CPLANE1: variants seen among roughly 807,000 people sequenced by gnomAD.
The protein encoded by CPLANE1 is ciliogenesis and planar polarity effector complex subunit 1, also known as ciliogenesis and planar polarity effector 1.
In CPLANE1, 263 loss-of-function variants were observed where a neutral mutation model predicts 362.5. The observed-to-expected ratio is 0.73, with a 90% CI of 0.66 to 0.80. The LOEUF (loss-of-function observed/expected upper bound fraction) is 0.80, where lower values mean the gene tolerates loss of function less well. Ranked by LOEUF, CPLANE1 falls within the 30% of genes least tolerant of loss-of-function variation. The pLI is 0.00. For missense variants in CPLANE1, 3,461 were observed against 3,793.4 expected, an observed-to-expected ratio of 0.91 and a Z score of 2.30; for synonymous variants, 1,212 against 1,302.6, an observed-to-expected ratio of 0.93 and a Z score of 1.50.
chr5:37,106,617 A>C lies in CPLANE1; in HGVS notation c.*985T>G. 2 of 382,700 alleles carry C rather than the reference A, an allele frequency of 5.2e-6. No individual in the cohort carries two copies. Among genetic ancestry groups the C allele is most frequent in the Non-Finnish European group, 7.2e-6 (2 of 279,060 alleles). The allele number at this position is 382,700 out of a possible 1,614,324, so 23.7% of individuals were successfully genotyped here. A position where few individuals can be genotyped will look rare whatever the true frequency, so the allele number is the denominator to read the frequency against. ...AAAACAATTTGGTAAGGAGAGTAGC[A>C]TTGTTTTATAGTTCTACAAATCTCT... On this transcript the variant is annotated 3_prime_UTR_variant, in exon 53 of 53. Transcript: ENST00000651892.
chr5:37,206,500 C>T, intron 16 of CPLANE1, 75 bp from the exon 17 acceptor site: 3 of 952,054 alleles, frequency 3.2e-6, no homozygotes, highest in South Asian at 1.5e-5. Flanking sequence ...GCATATTTAT[C>T]TCTTCAATCA....
At position 37,170,237 on chromosome 5, in the gene CPLANE1, G is replaced by C. The variant is rs1328390144; in HGVS notation, c.6266C>G (p.Ser2089Cys). 40 of 1,614,144 alleles carry C rather than the reference G, an allele frequency of 2.5e-5. No homozygotes were observed. The highest frequency in any genetic ancestry group is 3.3e-5 in the Non-Finnish European group (39 of 1,180,006). The change falls in exon 33 of 53, where the codon TCT (serine) becomes TGT (cysteine). Residue 2089 changes from serine to cysteine, a missense_variant. By Grantham distance (112) the Ser-to-Cys change is moderately radical. Transcript: ENST00000651892. ...TTCTTGGCTTTCCCCTAAATGCACA[G>C]ACTGAGACTGCTGTACAAGTTGTTG... is the stretch of plus-strand genomic sequence containing the variant. ...DTQQLVQQSQSVHLGESQESN... is the reference protein window; with the variant it reads ...DTQQLVQQSQCVHLGESQESN...
intron 46 of CPLANE1, among the ~76,000 whole-genome samples, chr5:37,132,581 T>G (rs189271655): frequency 6.6e-6 from 1 of 152,144 alleles, no homozygotes; most frequent in Admixed American, 6.5e-5. Flanking sequence ...CTCCTGACCT[T>G]GTAATCCGCC....
intron 36 of CPLANE1, among the ~76,000 whole-genome samples, chr5:37,164,634 A>T (rs1257449508): frequency 1.3e-5 from 2 of 152,238 alleles, no homozygotes; most frequent in Non-Finnish European, 2.9e-5. Flanking sequence ...ATCCTGTCAA[A>T]AATCTTTCAT....
At position 37,113,852 on chromosome 5, in the gene CPLANE1, C is replaced by T. The variant is rs976384160; in HGVS notation, c.9400+1108G>A. 3.3e-5 allele frequency among the ~76,000 whole-genome samples: 5 copies of T among 152,166 alleles called. No individual in the cohort carries two copies. In the East Asian group the frequency reaches 7.7e-4, roughly 24 times the overall value. On this transcript the variant is annotated intron_variant, in intron 51 of 52. Transcript: ENST00000651892. ...GTTTTGAGACAGAGTCTCACTCTGT[C>T]GCCAGGCTGGAGTGCAGTGGTGCAA...
Position 37,226,530 on chromosome 5 carries a change from A to G in CPLANE1, c.2065T>C (p.Phe689Leu), listed in dbSNP as rs1034725789. ...QLFSEKLLAC[F>L]YLLKMVADNL... ...TCAGCTACCATTTTGAGTAAATAAA[A>G]ACAAGCTAAAAGTTTCTCTGAGAAT... The change falls in exon 12 of 53, where the codon TTT becomes CTT. Residue 689 changes from phenylalanine (F) to leucine (L), a missense_variant. Physicochemically the swap from Phe to Leu is conservative, Grantham distance 22 (BLOSUM62 0). Coordinates refer to ENST00000651892, the MANE Select transcript of CPLANE1 (RefSeq NM_001384732.1). The G allele has an allele frequency of 1.4e-5, 22 of 1,548,128 alleles. No individual in the cohort carries two copies. In the Admixed American group the frequency reaches 3.0e-4, roughly 21 times the overall value.
intron 51 of CPLANE1, among the ~76,000 whole-genome samples, chr5:37,113,058 G>A (rs926349195): frequency 2.0e-5 from 3 of 152,168 alleles, no homozygotes; most frequent in Non-Finnish European, 4.4e-5. Context: ...AAGCTATTGA[G>A]TACTCTAGAC....
intron 46 of CPLANE1, among the ~76,000 whole-genome samples, chr5:37,127,098 A>G (rs952583346): frequency 2.6e-5 from 4 of 152,222 alleles, no homozygotes; most frequent in African/African-American, 9.6e-5. Flanking sequence ...GGAGGAATTA[A>G]GTGCATTCTG....
At chr5:37,241,252 G>A in intron 6 of CPLANE1, among the ~76,000 whole-genome samples, 1 of 152,158 alleles carries the variant, frequency 6.6e-6, no homozygotes, top group East Asian at 1.9e-4. Flanking sequence ...TCAGGGGTTC[G>A]AGACCAGTCT....
rs965489326 is a variant in CPLANE1, at chr5:37,220,030, A to T, written c.2746+1294T>A. Among the ~76,000 whole-genome samples the T allele has an allele frequency of 1.3e-5, 2 of 152,166 alleles. 1 individual carries two copies. Among genetic ancestry groups the T allele is most frequent in the Admixed American group, 1.3e-4 (2 of 15,282 alleles). On this transcript the variant is annotated intron_variant, in intron 15 of 52. Transcript: ENST00000651892. ...CACTTTGGGAGGCCAAGGTGGGTGG[A>T]TTGCTTGAGCCCAGGAAGTCAAGAT...
chr5:37,209,081 G>A lies in CPLANE1; in HGVS notation c.2921-2656C>T, dbSNP rs1452207897. Reference sequence around the variant, plus strand: ...TTGCCGCCTTCTGTCCCTAGTCTCCGGGTCCCCGCCCTCCAGCCGCCTTTG... The same window carrying A: ...TTGCCGCCTTCTGTCCCTAGTCTCCAGGTCCCCGCCCTCCAGCCGCCTTTG... On this transcript the variant is annotated intron_variant, in intron 16 of 52. Coordinates refer to ENST00000651892, the MANE Select transcript of CPLANE1 (RefSeq NM_001384732.1). This position sits in a 1 kb window ranked among gnomAD's most constrained non-coding sequence, Gnocchi z 4.6. Among the ~76,000 whole-genome samples the A allele has an allele frequency of 2.0e-5, 3 of 152,206 alleles. No homozygotes were observed. The highest frequency in any genetic ancestry group is 3.8e-4 in the East Asian group (2 of 5,200).
chr5:37,161,355 C>T (rs1008346534), intron 38 of CPLANE1, among the ~76,000 whole-genome samples: 1 of 152,136 alleles, frequency 6.6e-6, no homozygotes, highest in African/African-American at 2.4e-5. Context: ...TCCCAAACAT[C>T]ATTAAACAAC....
chr5:37,179,070 T>A (rs553679452), intron 29 of CPLANE1, among the ~76,000 whole-genome samples: 2 of 152,336 alleles, frequency 1.3e-5, no homozygotes, highest in South Asian at 4.1e-4. Flanking sequence ...CATACTTCCA[T>A]ACTTTTTAAA....
At chr5:37,085,561 C>G in the CPLANE1 span, 3 of 834,124 alleles carry the variant, frequency 3.6e-6, no homozygotes, top group African/African-American at 5.0e-5. Context: ...GGCAAGATTA[C>G]TGTTTTCATC....
At chr5:37,092,509 GC>G in the CPLANE1 span, among the ~76,000 whole-genome samples, 1 of 152,224 alleles carries the variant, frequency 6.6e-6, no homozygotes, top group Non-Finnish European at 1.5e-5. Flanking sequence ...CAGGGGACAA[GC>G]CCATAGCCTC....
At chr5:37,230,727 A>T in intron 9 of CPLANE1, 140 bp downstream of exon 9, 3 of 510,568 alleles carry the variant, frequency 5.9e-6, no homozygotes, top group Non-Finnish European at 9.4e-6. Flanking sequence ...AACTACAAAT[A>T]AGAAACAGAT....
At position 37,209,266 on chromosome 5, in the gene CPLANE1, G is replaced by A. The variant is rs1409290938; in HGVS notation, c.2921-2841C>T. The stretch of plus-strand genomic sequence containing the variant: ...GACAGAAGCAGGGCTCTGGAGGGCA[G>A]GGATTCCCCCTCGTCTTGGCCCTAC... On this transcript the variant is annotated intron_variant, in intron 16 of 52. Coordinates refer to ENST00000651892, the MANE Select transcript of CPLANE1 (RefSeq NM_001384732.1). This position sits in a 1 kb window ranked among gnomAD's most constrained non-coding sequence, Gnocchi z 4.6. The A allele has an allele frequency of 2.8e-6, 2 of 703,118 alleles. No individual in the cohort carries two copies. The highest frequency in any genetic ancestry group is 5.2e-5 in the East Asian group (2 of 38,096). 43.6% of individuals were successfully genotyped at this position (703,118 alleles called of 1,614,324 possible).
intron 16 of CPLANE1, chr5:37,210,012 C>T (rs970529027): frequency 3.5e-6 from 3 of 854,762 alleles, no homozygotes; most frequent in Non-Finnish European, 5.9e-6. Context: ...AGAAATATGT[C>T]AAAAGTTGAA....
At chr5:37,191,241 A>G (rs1345714741) in intron 21 of CPLANE1, among the ~76,000 whole-genome samples, 1 of 152,210 alleles carries the variant, frequency 6.6e-6, no homozygotes, top group African/African-American at 2.4e-5. Flanking sequence ...TTTTCAATAG[A>G]AAAAAGCCTG....
Sources: gnomAD v4.1 joint callset for allele counts (sites outside exome capture counted in the v4.1 genomes callset) on GRCh38, gnomAD v4.1.1 for gene constraint, Gnocchi (gnomAD v3.1) non-coding constraint, MANE v1.5 for transcripts, NCBI Gene and HGNC (gene_info 2026-07-23, HGNC 2026-07-21) for gene names.